Variants in ME3 observed in about 807,000 individuals in gnomAD.
The protein encoded by ME3 is NADP-dependent malic enzyme, mitochondrial.
In ME3, 48 loss-of-function variants were observed where a neutral mutation model predicts 68.9. The observed-to-expected ratio is 0.70, with a 90% CI of 0.55 to 0.89. ME3 has a LOEUF of 0.89. Among genes scored for constraint, ME3 ranks in the 40% least tolerant of loss-of-function variants. The probability of loss-of-function intolerance (pLI) is 0.00; values close to 1 mark genes in which losing one functional copy is unlikely to be tolerated. For missense variants in ME3, 675 were observed against 797.4 expected (o/e 0.85, Z 1.85); for synonymous variants, 320 against 318.8 (o/e 1.00, Z -0.04).
chr11:86,635,389 A>G (rs1000517963), intron 2 of ME3, among the ~76,000 whole-genome samples: 1 of 152,212 alleles, frequency 6.6e-6, no homozygotes. Flanking sequence ...TGGTACCCCA[A>G]TCCTAGACTT....
intron 2 of ME3, among the ~76,000 whole-genome samples, chr11:86,666,839 A>G (rs1946617012): frequency 6.6e-6 from 1 of 152,224 alleles, no homozygotes; most frequent in Admixed American, 6.5e-5. Context: ...AATTATCCAT[A>G]CAACACACTT....
At chr11:86,532,768 A>G (rs1955354233) in intron 4 of ME3, among the ~76,000 whole-genome samples, 1 of 152,258 alleles carries the variant, frequency 6.6e-6, no homozygotes, top group Non-Finnish European at 1.5e-5. Context: ...ACATCAAAAA[A>G]GAAGAAAGGG....
chr11:86,518,954 G>A (rs960556195), intron 4 of ME3, among the ~76,000 whole-genome samples: 5 of 152,172 alleles, frequency 3.3e-5, no homozygotes, highest in South Asian at 2.1e-4. Flanking sequence ...TAGAAGGGGC[G>A]GCAAGGAGTG....
intron 13 of ME3, 54 bp from the exon 14 acceptor site, chr11:86,442,973 A>G: frequency 1.4e-6 from 2 of 1,449,764 alleles, no homozygotes; most frequent in African/African-American, 1.4e-5. Flanking sequence ...CCTTCCCAAA[A>G]CAAGCCCAAC....
chr11:86,534,494 G>A (rs1955508365), intron 4 of ME3, among the ~76,000 whole-genome samples: 1 of 151,968 alleles, frequency 6.6e-6, no homozygotes, highest in Non-Finnish European at 1.5e-5. Context: ...GGCCAACGTG[G>A]CAAAACCCCT....
chr11:86,453,383 A>T (rs1565798334), intron 8 of ME3, among the ~76,000 whole-genome samples: 1 of 152,324 alleles, frequency 6.6e-6, no homozygotes, highest in East Asian at 1.9e-4. Context: ...GACTGTACCA[A>T]TTATTGGGTA....
chr11:86,540,839 G>A (rs572357708), intron 4 of ME3, among the ~76,000 whole-genome samples: 2 of 152,280 alleles, frequency 1.3e-5, no homozygotes, highest in East Asian at 3.9e-4. Flanking sequence ...CACTACTGAA[G>A]TGGCTGGCAA....
chr11:86,657,395 A>G (rs910072492), intron 2 of ME3, among the ~76,000 whole-genome samples: 2 of 142,356 alleles, frequency 1.4e-5, no homozygotes, highest in African/African-American at 5.2e-5. Flanking sequence ...ACATGTTCTC[A>G]TTCATAAGTG....
intron 4 of ME3, among the ~76,000 whole-genome samples, chr11:86,551,541 A>G (rs1002976719): frequency 6.6e-6 from 1 of 152,218 alleles, no homozygotes; most frequent in African/African-American, 2.4e-5. Flanking sequence ...GGAACAACAC[A>G]GGAAATTGGC....
intron 4 of ME3, among the ~76,000 whole-genome samples, chr11:86,509,397 AT>A (rs1953332452): frequency 1.7e-5 from 1 of 59,672 alleles, no homozygotes; most frequent in African/African-American, 5.2e-5. Flanking sequence ...CTACTCCATC[AT>A]CACACACACA....
chr11:86,535,050 T>A (rs1229757474), intron 4 of ME3, among the ~76,000 whole-genome samples: 2 of 152,214 alleles, frequency 1.3e-5, no homozygotes, highest in Non-Finnish European at 2.9e-5. Context: ...AGGTTTACTC[T>A]CAAACACTGC....
chr11:86,459,459 C>T (rs1288093448), intron 8 of ME3, among the ~76,000 whole-genome samples: 12 of 152,198 alleles, frequency 7.9e-5, no homozygotes, highest in Admixed American at 3.3e-4. Flanking sequence ...AGTACTGCTA[C>T]ATGCCTGTCC....
intron 6 of ME3, among the ~76,000 whole-genome samples, chr11:86,494,682 C>T (rs866643577): frequency 1.4e-5 from 2 of 147,956 alleles, no homozygotes; most frequent in Admixed American, 6.6e-5. Context: ...GAGAAGCAGA[C>T]GCTTTGAGTA....
intron 8 of ME3, among the ~76,000 whole-genome samples, chr11:86,457,985 G>C (rs754514574): frequency 2.0e-5 from 3 of 152,192 alleles, no homozygotes; most frequent in Admixed American, 1.3e-4. Flanking sequence ...TATCAGGTAA[G>C]GGAAAACTTC....
At chr11:86,487,753 G>A (rs1176457474) in intron 6 of ME3, among the ~76,000 whole-genome samples, 1 of 152,220 alleles carries the variant, frequency 6.6e-6, no homozygotes, top group Non-Finnish European at 1.5e-5. Context: ...TTTCTCAACA[G>A]TGGCATTACT....
intron 2 of ME3, among the ~76,000 whole-genome samples, chr11:86,645,793 C>T (rs1944971159): frequency 6.6e-6 from 1 of 152,172 alleles, no homozygotes; most frequent in South Asian, 2.1e-4. Flanking sequence ...ACACCTCATA[C>T]AGGAGAGCCC....
chr11:86,522,929 G>C (rs1179437896), intron 4 of ME3, among the ~76,000 whole-genome samples: 1 of 152,166 alleles, frequency 6.6e-6, no homozygotes, highest in Non-Finnish European at 1.5e-5. Context: ...TTTTATATCA[G>C]GGATTTGAGC....
chr11:86,658,529 A>G (rs1946069057), intron 2 of ME3, among the ~76,000 whole-genome samples: 1 of 152,192 alleles, frequency 6.6e-6, no homozygotes, highest in African/African-American at 2.4e-5. Flanking sequence ...TGATTGTGCC[A>G]GTAATTTTGA....
At chr11:86,597,502 T>G (rs569492848) in intron 2 of ME3, among the ~76,000 whole-genome samples, 72 of 152,316 alleles carry the variant, frequency 4.7e-4, no homozygotes, top group African/African-American at 1.7e-3. Context: ...ACTAGAAGTC[T>G]TTGGGAACAA....
Sources: gnomAD v4.1 joint callset for allele counts (sites outside exome capture counted in the v4.1 genomes callset) on GRCh38, gnomAD v4.1.1 for gene constraint, MANE v1.5 for transcripts, NCBI Gene and HGNC (gene_info 2026-07-23, HGNC 2026-07-21) for gene names.